Variants in ALDH1A2 observed in about 807,000 individuals in gnomAD.
ALDH1A2 encodes the protein aldehyde dehydrogenase 1 family member A2.
Under a neutral mutation model 60.3 loss-of-function variants are expected in ALDH1A2, and 27 were observed. The ratio of observed to expected loss-of-function variants is 0.45; its 90% CI spans 0.33 to 0.62. The LOEUF (loss-of-function observed/expected upper bound fraction) is 0.62, where lower values mean the gene tolerates loss of function less well. Ranked by LOEUF, ALDH1A2 falls within the 20% of genes least tolerant of loss-of-function variation. The pLI is 0.02. For synonymous variants in ALDH1A2, 289 were observed against 232.4 expected (o/e 1.24, Z -2.21); for missense variants, 581 against 643.8 (o/e 0.90, Z 1.06).
chr15:58,060,071 T>C (rs900489045), intron 1 of ALDH1A2, among the ~76,000 whole-genome samples: 1 of 152,024 alleles, frequency 6.6e-6, no homozygotes, highest in Admixed American at 6.6e-5. Context: ...TACAGGCGTG[T>C]ACCACCACAC....
In ALDH1A2 at chr15:58,059,255, A is replaced by G. The variant is rs140812758; in HGVS notation, c.117+6279T>C. ...CATTACAGCAATCACCTCTACGTGA[A>G]TTAGATTTGCTGTTTGGGGGGAAAT... is the stretch of plus-strand genomic sequence containing the variant. On this transcript the variant is annotated intron_variant, in intron 1 of 12. Coordinates refer to ENST00000249750, the MANE Select transcript of ALDH1A2 (RefSeq NM_003888.4). Among the ~76,000 whole-genome samples the G allele has an allele frequency of 2.6e-5, 4 of 152,322 alleles. No homozygotes were observed. In the East Asian group the frequency reaches 7.7e-4, roughly 29 times the overall value.
chr15:58,049,249 T>A (rs1297125880), intron 1 of ALDH1A2, among the ~76,000 whole-genome samples: 3 of 152,066 alleles, frequency 2.0e-5, no homozygotes, highest in African/African-American at 7.2e-5. Flanking sequence ...CAGTTGTGCC[T>A]CTATTCCTCT....
At chr15:58,026,158 A>C (rs1896074787) in intron 1 of ALDH1A2, among the ~76,000 whole-genome samples, 1 of 152,222 alleles carries the variant, frequency 6.6e-6, no homozygotes, top group Admixed American at 6.5e-5. Context: ...ATCCCTGATG[A>C]AATAGACACA....
At chr15:57,965,363 C>G (rs531916273) in intron 8 of ALDH1A2, among the ~76,000 whole-genome samples, 2 of 152,300 alleles carry the variant, frequency 1.3e-5, no homozygotes, top group South Asian at 2.1e-4. Context: ...TACCAGCCAC[C>G]AGGCACAGTT....
chr15:57,987,911 A>AAC (rs1315626500), intron 7 of ALDH1A2, among the ~76,000 whole-genome samples: 1 of 152,016 alleles, frequency 6.6e-6, no homozygotes, highest in Non-Finnish European at 1.5e-5. Context: ...GGTGAAGACA[A>AAC]AATGAAGCCA....
At chr15:58,062,982 T>C (rs1324330380) in intron 1 of ALDH1A2, among the ~76,000 whole-genome samples, 1 of 152,224 alleles carries the variant, frequency 6.6e-6, no homozygotes, top group Non-Finnish European at 1.5e-5. Context: ...GCAGTAACTT[T>C]TAATTCTGGT....
chr15:58,045,661 G>A (rs954714108), intron 1 of ALDH1A2, among the ~76,000 whole-genome samples: 3 of 151,936 alleles, frequency 2.0e-5, no homozygotes, highest in South Asian at 2.1e-4. Context: ...ACCAAACACC[G>A]CATATTCTCA....
At chr15:58,061,603 AAAAAAAC>A (rs1232830458) in intron 1 of ALDH1A2, among the ~76,000 whole-genome samples, 19 of 145,462 alleles carry the variant, frequency 1.3e-4, no homozygotes, top group Non-Finnish European at 1.5e-4. Context: ...CTCAAAAAAA[AAAAAAAC>A]AAAAAAAAAA....
chr15:57,999,316 G>C (rs1895178634), intron 4 of ALDH1A2, among the ~76,000 whole-genome samples: 1 of 151,844 alleles, frequency 6.6e-6, no homozygotes, highest in Non-Finnish European at 1.5e-5. Context: ...CTACTATCCA[G>C]AATCTACAAG....
intron 1 of ALDH1A2, among the ~76,000 whole-genome samples, chr15:58,018,539 G>A (rs1467658771): frequency 6.6e-6 from 1 of 152,106 alleles, no homozygotes; most frequent in Non-Finnish European, 1.5e-5. Flanking sequence ...GTATATTCAT[G>A]TAGTTTCAAA....
chr15:58,004,726 T>TACAC (rs747267514), intron 4 of ALDH1A2, among the ~76,000 whole-genome samples: 1 of 113,636 alleles, frequency 8.8e-6, no homozygotes. Context: ...TGTGTATATA[T>TACAC]ATACATATAT....
intron 4 of ALDH1A2, among the ~76,000 whole-genome samples, chr15:58,006,905 C>G (rs1895478943): frequency 1.3e-5 from 2 of 149,328 alleles, no homozygotes; most frequent in Admixed American, 6.7e-5. Flanking sequence ...TGTTTAGTGC[C>G]ACATTTTTCA....
chr15:57,995,172 G>C (rs752207299), intron 4 of ALDH1A2, 33 bp from the exon 5 acceptor site: 1 of 1,144,254 alleles, frequency 8.7e-7, no homozygotes. Context: ...CTCCCAGAAA[G>C]TTTAGATTAG....
In ALDH1A2 at chr15:58,006,955, T is replaced by C. The variant is rs116945093; in HGVS notation, c.493+3694A>G. Among the ~76,000 whole-genome samples the C allele has an allele frequency of 4.6e-3, 706 of 151,862 alleles. 2 individuals carry two copies. The highest frequency in any genetic ancestry group is 7.9e-3 in the Non-Finnish European group (533 of 67,896). On this transcript the variant is annotated intron_variant, in intron 4 of 12. Coordinates refer to ENST00000249750, the MANE Select transcript of ALDH1A2 (RefSeq NM_003888.4). The stretch of plus-strand genomic sequence containing the variant: ...TTGTTCACAATTTTGCTGTTTAAAA[T>C]GGCCCCTAAGCATAGTGTTGAGTGC...
intron 7 of ALDH1A2, among the ~76,000 whole-genome samples, chr15:57,978,399 G>A (rs1282884534): frequency 1.3e-5 from 2 of 152,186 alleles, no homozygotes; most frequent in African/African-American, 2.4e-5. Flanking sequence ...GCATGAAGGG[G>A]TATTGAATTT....
chr15:57,969,454 C>T (rs1311296460), intron 7 of ALDH1A2, among the ~76,000 whole-genome samples: 1 of 152,188 alleles, frequency 6.6e-6, no homozygotes, highest in Non-Finnish European at 1.5e-5. Context: ...ACGAATTACG[C>T]ATACAACAAA....
At chr15:58,000,151 T>C (rs143998197) in intron 4 of ALDH1A2, among the ~76,000 whole-genome samples, 1 of 151,952 alleles carries the variant, frequency 6.6e-6, no homozygotes, top group African/African-American at 2.4e-5. Context: ...CAAACCACCA[T>C]GGCACACGTT....
At chr15:58,022,117 G>T (rs1476242374) in intron 1 of ALDH1A2, among the ~76,000 whole-genome samples, 2 of 152,026 alleles carry the variant, frequency 1.3e-5, no homozygotes, top group Admixed American at 6.6e-5. Flanking sequence ...CCTAAGAATT[G>T]CCCTGCCCCT....
intron 1 of ALDH1A2, among the ~76,000 whole-genome samples, chr15:58,034,792 A>T (rs1237001927): frequency 5.3e-5 from 8 of 151,678 alleles, no homozygotes; most frequent in African/African-American, 1.9e-4. Context: ...TTTGAATGCC[A>T]AATCAGCCTT....
Sources: gnomAD v4.1 joint callset for allele counts (sites outside exome capture counted in the v4.1 genomes callset) on GRCh38, gnomAD v4.1.1 for gene constraint, MANE v1.5 for transcripts, NCBI Gene and HGNC (gene_info 2026-07-23, HGNC 2026-07-21) for gene names.